The following PIWIL4 variants were observed in gnomAD, a reference collection of about 807,000 sequenced individuals.
The protein encoded by PIWIL4 is piwi like RNA-mediated gene silencing 4.
A neutral mutation model predicts 100.9 loss-of-function variants in PIWIL4; 50 were observed. The observed-to-expected ratio is 0.50, with a 90% CI of 0.39 to 0.63. The LOEUF (loss-of-function observed/expected upper bound fraction) is 0.63, where lower values mean the gene tolerates loss of function less well. PIWIL4 is among the 20% of genes least tolerant of loss of function. PIWIL4 has a pLI of 0.00. For missense variants in PIWIL4, 887 were observed against 1,043.3 expected (o/e 0.85, Z 2.06); for synonymous variants, 342 against 367.5 (o/e 0.93, Z 0.79).
rs759321790 is a variant in PIWIL4 at position 94,567,622 on chromosome 11, T to C, written c.87+17T>C. 17 of 1,576,030 alleles carry C rather than the reference T, an allele frequency of 1.1e-5. No individual in the cohort carries two copies. The highest frequency in any genetic ancestry group is 1.7e-4 in the Middle Eastern group (1 of 5,982). On this transcript the variant is annotated intron_variant, in intron 1 of 19. Transcript: ENST00000299001. ...TCGCCATTGGTGTGTAGAATGCTTA[T>C]TGCGCATGGTTTCGTTTTCTCCTAC...
At chr11:94,579,622 T>G (rs960527544) in intron 4 of PIWIL4, among the ~76,000 whole-genome samples, 2 of 152,214 alleles carry the variant, frequency 1.3e-5, no homozygotes, top group African/African-American at 2.4e-5. Flanking sequence ...CTCTTGGGCC[T>G]TTTGCCTTTT....
intron 19 of PIWIL4, among the ~76,000 whole-genome samples, 176 bp downstream of exon 19, chr11:94,620,320 GGAAA>G (rs1948892205): frequency 6.6e-6 from 1 of 152,192 alleles, no homozygotes; most frequent in South Asian, 2.1e-4. Flanking sequence ...CACAGTGGGA[GGAAA>G]GCAGTCTATC....
intron 10 of PIWIL4, 88 bp downstream of exon 10, chr11:94,595,514 T>G: frequency 9.7e-7 from 1 of 1,033,498 alleles, no homozygotes; most frequent in Non-Finnish European, 1.4e-6. Context: ...TTGAAGGAAA[T>G]GTGTCATTCA....
chr11:94,575,186 T>A, intron 3 of PIWIL4, 56 bp downstream of exon 3: 1 of 1,548,544 alleles, frequency 6.5e-7, no homozygotes, highest in Non-Finnish European at 8.8e-7. Context: ...GCTTAAGGAC[T>A]TCCAAATTCT....
intron 19 of PIWIL4, among the ~76,000 whole-genome samples, chr11:94,620,662 C>G (rs1490974323): frequency 6.6e-6 from 1 of 152,168 alleles, no homozygotes; most frequent in Non-Finnish European, 1.5e-5. Context: ...CTACTCCCAG[C>G]ACCATGAAGC....
chr11:94,619,424 T>TCA (rs148674335), intron 17 of PIWIL4, among the ~76,000 whole-genome samples: 11 of 151,896 alleles, frequency 7.2e-5, no homozygotes, highest in African/African-American at 1.9e-4. Context: ...GAGTCACTAA[T>TCA]CACACACACA....
Position 94,616,504 on chromosome 11 carries a change from G to T in PIWIL4, c.1955G>T (p.Arg652Leu), listed in dbSNP as rs570521285. Reference protein sequence around the residue: ...VNPRITRWFSRCILQRTMTDV... With the variant: ...VNPRITRWFSLCILQRTMTDV... Reference sequence around the variant, plus strand: ...TTTTTTAACTTTAGGTGGTTTTCCCGCTGTATCCTTCAGAGAACAATGACT... The same window carrying T: ...TTTTTTAACTTTAGGTGGTTTTCCCTCTGTATCCTTCAGAGAACAATGACT... Residue 652 changes from arginine (R) to leucine (L), a missense_variant, in exon 16 of 20, where the codon CGC becomes CTC. Physicochemically the swap from Arg to Leu is moderately radical, Grantham distance 102. This residue lies in a region of PIWIL4 where 741 missense variants were observed against 930.0 expected (regional missense o/e 0.80). Transcript: ENST00000299001. 2 of 1,598,406 alleles carry T rather than the reference G, an allele frequency of 1.3e-6. No homozygotes were observed. Among genetic ancestry groups the T allele is most frequent in the Non-Finnish European group, 1.7e-6 (2 of 1,175,150 alleles).
rs1387602971 is a variant in PIWIL4, at chr11:94,583,687, G to C, written c.635+118G>C. ...TGTGCCAGCAGTGATGCCACCGTTA[G>C]GGCAATTTCTCAAGCACCTTCTCCT... On this transcript the variant is annotated intron_variant, in intron 5 of 19. Transcript: ENST00000299001. 8 of 1,374,294 alleles carry C rather than the reference G, an allele frequency of 5.8e-6. No homozygotes were observed. The East Asian group carries it at 9.3e-5, about 16-fold the overall frequency. 85.1% of individuals were successfully genotyped at this position (1,374,294 alleles called of 1,614,324 possible).
At chr11:94,579,016 A>G (rs1339308450) in intron 4 of PIWIL4, among the ~76,000 whole-genome samples, 1 of 152,212 alleles carries the variant, frequency 6.6e-6, no homozygotes, top group Non-Finnish European at 1.5e-5. Flanking sequence ...GGTATTTTTA[A>G]AATAAGAGCT....
Position 94,583,621 on chromosome 11 carries a change from T to C in PIWIL4, c.635+52T>C, listed in dbSNP as rs776192232. 8.1e-6 allele frequency: 13 copies of C among 1,606,214 alleles called. No individual in the cohort carries two copies. In the Admixed American group the frequency reaches 8.4e-5, roughly 10 times the overall value. Reference sequence around the variant, plus strand: ...TTTGGGCTAATGATACCTTTCAGCATAGAGCCTGGGTATTAAAATAATCGA... The same window carrying C: ...TTTGGGCTAATGATACCTTTCAGCACAGAGCCTGGGTATTAAAATAATCGA... On this transcript the variant is annotated intron_variant, in intron 5 of 19. Transcript: ENST00000299001.
rs377575537 is a variant in PIWIL4 at position 94,587,168 on chromosome 11, G to T, written c.835G>T (p.Ala279Ser). 6.2e-7 allele frequency: 1 copy of T among 1,614,146 alleles called. No individual in the cohort carries two copies. The highest frequency in any genetic ancestry group is 1.3e-5 in the African/African-American group (1 of 75,040). Residue 279 changes from alanine to serine, a missense_variant, in exon 7 of 20, where the codon GCT becomes TCT. Ala to Ser is a moderately conservative substitution (Grantham distance 99). Around this residue, in one of 2 missense-constraint regions of PIWIL4, gnomAD observed 741 missense variants for 930.0 expected, o/e 0.80. Transcript: ENST00000299001. ...TGAGACGGTTCTGGAATTCATGACT[G>T]CTCTCTGTCAAAGAACTGGCTTGTC... ...RNETVLEFMT[A>S]LCQRTGLSCF...
chr11:94,611,695 C>T (rs139801522), intron 15 of PIWIL4, among the ~76,000 whole-genome samples: 8 of 152,168 alleles, frequency 5.3e-5, no homozygotes, highest in Non-Finnish European at 7.4e-5. Flanking sequence ...CAACAGCTGG[C>T]GGTTTAAAAG....
intron 15 of PIWIL4, 149 bp from the exon 16 acceptor site, chr11:94,616,344 C>T (rs1565284956): frequency 1.5e-6 from 1 of 667,006 alleles, no homozygotes; most frequent in African/African-American, 1.9e-5. Flanking sequence ...TAAAGGGTCT[C>T]TTTGATATAA....
At chr11:94,607,665 A>G (rs1373984883) in intron 14 of PIWIL4, 26 bp downstream of exon 14, 7 of 1,579,070 alleles carry the variant, frequency 4.4e-6, no homozygotes, top group East Asian at 2.3e-5. Context: ...CATTTTTTCT[A>G]TTAGTAATTA....
chr11:94,618,185 A>G, intron 17 of PIWIL4, 78 bp downstream of exon 17: 37 of 1,408,314 alleles, frequency 2.6e-5, no homozygotes, highest in Non-Finnish European at 3.4e-5. Flanking sequence ...AAGGTATTCA[A>G]GCATAAGTTT....
Position 94,618,018 on chromosome 11 carries a change from T to A in PIWIL4, c.2079T>A (p.Ala693=). 1 of 1,612,508 alleles carries A rather than the reference T, an allele frequency of 6.2e-7. No individual in the cohort carries two copies. ...DLPARIIVYR[A]GVGDGQLKTL... ...CAGCACGGATAATTGTGTACCGTGC[T>A]GGTGTAGGGGATGGTCAGCTGAAAA... The change falls in exon 17 of 20, where the codon GCT becomes GCA. Residue 693 remains alanine, a synonymous_variant. Transcript: ENST00000299001.
At chr11:94,591,347 C>T (rs1948483154) in intron 8 of PIWIL4, among the ~76,000 whole-genome samples, 1 of 152,204 alleles carries the variant, frequency 6.6e-6, no homozygotes, top group Admixed American at 6.5e-5. Flanking sequence ...GCTTCAAGGC[C>T]AAGTGTGAAG....
In PIWIL4 at chr11:94,575,060, C is replaced by T. The variant is rs1270337255; in HGVS notation, c.228C>T (p.Asn76=). Residue 76 remains asparagine (N), a synonymous_variant, in exon 3 of 20, where the codon AAC becomes AAT. Transcript: ENST00000299001. ...GSTFMERGVK[N]KQDFMDLSIC... ...CCTTCATGGAAAGAGGTGTGAAAAA[C>T]AAACAGGACTTTATGGATTTGAGTA... The T allele has an allele frequency of 1.9e-6, 3 of 1,613,694 alleles. No homozygotes were observed. Among genetic ancestry groups the T allele is most frequent in the Admixed American group, 3.3e-5 (2 of 59,980 alleles).
At position 94,621,078 on chromosome 11, in the gene PIWIL4, T is replaced by A; in HGVS notation, c.*86T>A. On this transcript the variant is annotated 3_prime_UTR_variant, in exon 20 of 20. Transcript: ENST00000299001. ...CAAATCTGCCATAAGCTCAAGGCTG[T>A]GACTGGGGAAAAAGATTGAGCTTAG... 1.1e-6 allele frequency: 1 copy of A among 890,350 alleles called. No individual in the cohort carries two copies. The highest frequency in any genetic ancestry group is 1.8e-6 in the Non-Finnish European group (1 of 568,770). 55.2% of individuals were successfully genotyped at this position (890,350 alleles called of 1,614,324 possible).
Sources: gnomAD v4.1 joint callset for allele counts (sites outside exome capture counted in the v4.1 genomes callset) on GRCh38, gnomAD v4.1.1 for gene constraint, gnomAD v4.1.1 regional missense constraint, MANE v1.5 for transcripts, NCBI Gene and HGNC (gene_info 2026-07-23, HGNC 2026-07-21) for gene names.